Variants in EYS observed in about 807,000 individuals in gnomAD.
The protein encoded by EYS is protein eyes shut homolog.
A neutral mutation model predicts 282.1 loss-of-function variants in EYS; 250 were observed. That is an observed-to-expected ratio of 0.89 (90% CI 0.80 to 0.98). EYS has a LOEUF of 0.98. EYS is among the 50% of genes least tolerant of loss of function. The probability of loss-of-function intolerance (pLI) is 0.00; values close to 1 mark genes in which losing one functional copy is unlikely to be tolerated. For synonymous variants in EYS, 1,355 were observed against 1,282.9 expected, an observed-to-expected ratio of 1.06 and a Z score of -1.20; for missense variants, 4,016 against 3,709.0, an observed-to-expected ratio of 1.08 and a Z score of -2.15.
chr6:64,307,263 G>A (rs1769488580), intron 29 of EYS, among the ~76,000 whole-genome samples, 181 bp from the exon 30 acceptor site: 1 of 151,976 alleles, frequency 6.6e-6, no homozygotes. Context: ...AAAGTAATAG[G>A]ATTTTTCCAT....
intron 35 of EYS, among the ~76,000 whole-genome samples, chr6:63,899,418 G>A (rs1438876555): frequency 2.0e-5 from 3 of 152,140 alleles, no homozygotes; most frequent in Admixed American, 6.6e-5. Flanking sequence ...GATTTCCAGA[G>A]TGGAAATGAT....
intron 2 of EYS, among the ~76,000 whole-genome samples, chr6:65,496,782 G>A (rs561187337): frequency 7.2e-5 from 11 of 151,952 alleles, no homozygotes; most frequent in African/African-American, 1.9e-4. Flanking sequence ...TCAAAATATC[G>A]GCATTTTCTA....
intron 41 of EYS, among the ~76,000 whole-genome samples, chr6:63,739,710 C>T (rs142118927): frequency 6.6e-6 from 1 of 151,896 alleles, no homozygotes. Context: ...CCCCCCACCC[C>T]CAAGACAGAG....
At chr6:63,946,466 A>G (rs1765399597) in intron 35 of EYS, among the ~76,000 whole-genome samples, 2 of 152,196 alleles carry the variant, frequency 1.3e-5, no homozygotes, top group South Asian at 4.1e-4. Context: ...GTAGAAAGTC[A>G]TACTAATCAT....
intron 12 of EYS, among the ~76,000 whole-genome samples, chr6:65,220,135 G>T (rs1201081504): frequency 1.3e-5 from 2 of 151,886 alleles, no homozygotes; most frequent in African/African-American, 2.4e-5. Flanking sequence ...ACTTTTTATA[G>T]GCTCAGATTT....
intron 24 of EYS, among the ~76,000 whole-genome samples, chr6:64,613,613 C>A (rs1767177582): frequency 6.6e-6 from 1 of 152,068 alleles, no homozygotes; most frequent in Non-Finnish European, 1.5e-5. Flanking sequence ...AGCAGAAATT[C>A]AGAAGCAGAA....
chr6:64,343,666 A>G (rs1451622420), intron 29 of EYS, among the ~76,000 whole-genome samples: 1 of 152,168 alleles, frequency 6.6e-6, no homozygotes, highest in African/African-American at 2.4e-5. Flanking sequence ...GCAAGAGCAA[A>G]CACATTCAAA....
intron 29 of EYS, among the ~76,000 whole-genome samples, chr6:64,348,096 T>C (rs1462349160): frequency 6.6e-6 from 1 of 151,402 alleles, no homozygotes; most frequent in Non-Finnish European, 1.5e-5. Context: ...ACAAGACAAT[T>C]CTGGCTTGCT....
chr6:64,543,900 G>C (rs1315319553), intron 26 of EYS, among the ~76,000 whole-genome samples: 4 of 151,964 alleles, frequency 2.6e-5, no homozygotes, highest in African/African-American at 9.6e-5. Flanking sequence ...AAACTTGTAG[G>C]TTTAGTATTC....
rs145033832 is a variant in EYS, at chr6:64,533,154, G to A, written c.5644+57069C>T. Among the ~76,000 whole-genome samples the A allele has an allele frequency of 5.3e-5, 8 of 152,214 alleles. No homozygotes were observed. In the East Asian group the frequency reaches 7.7e-4, roughly 15 times the overall value. ...AATCTGAAGGCTTTCCATAGTAATC[G>A]TCTAAATCAACATAAAGAGAAAACT... On this transcript the variant is annotated intron_variant, in intron 26 of 42. Transcript: ENST00000503581.
intron 26 of EYS, among the ~76,000 whole-genome samples, chr6:64,565,471 G>T (rs1037918506): frequency 3.3e-5 from 5 of 151,938 alleles, no homozygotes; most frequent in Admixed American, 2.6e-4. Flanking sequence ...TTGACAACAT[G>T]GATTAACTTG....
chr6:65,424,009 A>C (rs1448704847), intron 5 of EYS, among the ~76,000 whole-genome samples: 1 of 151,786 alleles, frequency 6.6e-6, no homozygotes, highest in African/African-American at 2.4e-5. Context: ...CCCTATTTCA[A>C]AGTCTAACTT....
chr6:65,422,577 C>T (rs9354238), intron 5 of EYS, among the ~76,000 whole-genome samples: 39,827 of 151,446 alleles, frequency 0.26, 5,556 homozygotes, highest in Middle Eastern at 0.34. Context: ...TTTATATCAT[C>T]AATAAACATA....
intron 30 of EYS, among the ~76,000 whole-genome samples, chr6:64,265,095 AC>A: frequency 6.6e-6 from 1 of 151,324 alleles, no homozygotes; most frequent in Non-Finnish European, 1.5e-5. Context: ...AGTTATGTTT[AC>A]CCCCAAAATT....
chr6:65,556,387 T>TTGTGTGTGTGTG (rs10602177), intron 2 of EYS, among the ~76,000 whole-genome samples: 5,135 of 148,822 alleles, frequency 0.035, 113 homozygotes, highest in African/African-American at 0.06. Flanking sequence ...ACTGCTGGGT[T>TTGTGTGTGTGTG]TGTGTGTGTG....
intron 35 of EYS, among the ~76,000 whole-genome samples, chr6:63,980,511 A>G (rs1767036843): frequency 6.6e-6 from 1 of 151,876 alleles, no homozygotes; most frequent in Non-Finnish European, 1.5e-5. Flanking sequence ...TCTCTGTAAT[A>G]ATCACTCTTT....
intron 35 of EYS, among the ~76,000 whole-genome samples, chr6:63,895,328 A>G (rs1773510339): frequency 6.6e-6 from 1 of 152,188 alleles, no homozygotes; most frequent in African/African-American, 2.4e-5. Flanking sequence ...TATAAGAGAA[A>G]ATGGAGGCAA....
chr6:65,583,561 G>A (rs1313853066), intron 2 of EYS, among the ~76,000 whole-genome samples: 1 of 151,924 alleles, frequency 6.6e-6, no homozygotes, highest in Non-Finnish European at 1.5e-5. Flanking sequence ...TCACTGACAG[G>A]AGGGAAAAAA....
intron 31 of EYS, among the ~76,000 whole-genome samples, chr6:64,108,723 G>GT (rs112531607): frequency 0.066 from 10,044 of 151,874 alleles, 998 homozygotes; most frequent in African/African-American, 0.22. Flanking sequence ...GACTGCCATG[G>GT]TCCCACTTTC....
Sources: allele counts gnomAD v4.1 joint callset (sites outside exome capture counted in the v4.1 genomes callset), GRCh38; gene constraint gnomAD v4.1.1; transcripts MANE v1.5; gene names NCBI Gene and HGNC (gene_info 2026-07-23, HGNC 2026-07-21).